CRYBG1: variants seen among roughly 807,000 people sequenced by gnomAD.
The protein encoded by CRYBG1 is crystallin beta-gamma domain containing 1, also known as beta/gamma crystallin domain-containing protein 1.
CRYBG1 carries 139 observed loss-of-function variants against 189.2 expected under a neutral mutation model. That is an observed-to-expected ratio of 0.73 (90% CI 0.64 to 0.85). The LOEUF (loss-of-function observed/expected upper bound fraction) is 0.85. Among genes scored for constraint, CRYBG1 ranks in the 40% least tolerant of loss-of-function variants. CRYBG1 has a pLI of 0.00. For synonymous variants in CRYBG1, 1,023 were observed against 1,017.1 expected, an observed-to-expected ratio of 1.01 and a Z score of -0.11; for missense variants, 2,611 against 2,675.8, an observed-to-expected ratio of 0.98 and a Z score of 0.53.
chr6:106,420,025 A>G (rs546472342), intron 1 of CRYBG1, among the ~76,000 whole-genome samples: 3 of 152,274 alleles, frequency 2.0e-5, no homozygotes, highest in East Asian at 3.9e-4. Context: ...TCAACTTACA[A>G]CAAGGCATGA....
At chr6:106,426,280 A>G (rs1771224556) in intron 1 of CRYBG1, among the ~76,000 whole-genome samples, 2 of 151,944 alleles carry the variant, frequency 1.3e-5, no homozygotes, top group African/African-American at 2.4e-5. Flanking sequence ...CCTCCTTCCC[A>G]AGTCATTATT....
intron 1 of CRYBG1, among the ~76,000 whole-genome samples, chr6:106,428,324 C>T (rs906826629): frequency 1.3e-5 from 2 of 151,728 alleles, no homozygotes; most frequent in Non-Finnish European, 2.9e-5. Context: ...ACTCTTCTCA[C>T]TTTTTTATGT....
At chr6:106,547,591 T>G (rs191921652) in intron 13 of CRYBG1, among the ~76,000 whole-genome samples, 1 of 152,360 alleles carries the variant, frequency 6.6e-6, no homozygotes, top group Admixed American at 6.5e-5. Context: ...AGGAAAATTA[T>G]TGTATTTTAA....
chr6:106,552,118 G>T, intron 14 of CRYBG1, 66 bp from the exon 15 acceptor site: 2 of 1,486,504 alleles, frequency 1.3e-6, no homozygotes, highest in African/African-American at 1.4e-5. Context: ...TAATCTAGAA[G>T]AAAAAAACTT....
chr6:106,433,790 TACACACACATACATATACATACATAA>T (rs1771398091), intron 1 of CRYBG1, among the ~76,000 whole-genome samples: 1 of 139,044 alleles, frequency 7.2e-6, no homozygotes, highest in African/African-American at 2.7e-5. Flanking sequence ...TATATAAACA[TACACACACATACATATACATACATAA>T]ATATATATAT....
intron 7 of CRYBG1, among the ~76,000 whole-genome samples, chr6:106,527,757 G>A (rs1773775304): frequency 6.6e-6 from 1 of 151,876 alleles, no homozygotes; most frequent in African/African-American, 2.4e-5. Context: ...AATGAGTTCT[G>A]CCTCTATGAA....
chr6:106,514,270 T>C (rs999940427), intron 3 of CRYBG1, among the ~76,000 whole-genome samples: 4 of 152,188 alleles, frequency 2.6e-5, no homozygotes, highest in Admixed American at 1.3e-4. Flanking sequence ...TGAATAATGA[T>C]TAAGTGCTTA....
At chr6:106,397,613 A>T (rs1177706984) in intron 1 of CRYBG1, among the ~76,000 whole-genome samples, 1 of 152,186 alleles carries the variant, frequency 6.6e-6, no homozygotes, top group Non-Finnish European at 1.5e-5. Flanking sequence ...TGACCAAGGA[A>T]CACAGAGTTC....
At chr6:106,471,394 T>C (rs72933577) in intron 2 of CRYBG1, among the ~76,000 whole-genome samples, 6,494 of 152,290 alleles carry the variant, frequency 0.043, 226 homozygotes, top group Middle Eastern at 0.092. Flanking sequence ...TGGGTCTTCT[T>C]TGCAAGCATT....
rs575814329 is a variant in CRYBG1, at chr6:106,464,337, C to CA, written c.312+12511dup. Among the ~76,000 whole-genome samples the CA allele has an allele frequency of 1.6e-4, 25 of 151,958 alleles. No homozygotes were observed. The East Asian group carries it at 4.5e-3, about 27-fold the overall frequency. ...ATGAAACCCATCTCTACTAAAAATA[C>CA]AAAAAATTAGCCGGGCATGTTGGTG... is the stretch of plus-strand genomic sequence containing the variant. On this transcript the variant is annotated intron_variant, in intron 2 of 21. Transcript: ENST00000633556.
intron 2 of CRYBG1, among the ~76,000 whole-genome samples, chr6:106,465,384 G>A (rs377292654): frequency 6.6e-6 from 1 of 152,174 alleles, no homozygotes; most frequent in Non-Finnish European, 1.5e-5. Flanking sequence ...ATCAGCTTTT[G>A]TATCTATAAA....
chr6:106,492,756 C>A (rs2114495737), intron 2 of CRYBG1, among the ~76,000 whole-genome samples: 1 of 152,308 alleles, frequency 6.6e-6, no homozygotes, highest in African/African-American at 2.4e-5. Flanking sequence ...ATCCATCCTT[C>A]TTCCTTCCCT....
At chr6:106,433,428 C>T (rs1222460002) in intron 1 of CRYBG1, among the ~76,000 whole-genome samples, 3 of 152,002 alleles carry the variant, frequency 2.0e-5, no homozygotes, top group Admixed American at 6.6e-5. Context: ...AATATGTACT[C>T]GTGGGTTATC....
chr6:106,390,975 C>T (rs1343726364), intron 1 of CRYBG1, among the ~76,000 whole-genome samples: 1 of 152,140 alleles, frequency 6.6e-6, no homozygotes, highest in African/African-American at 2.4e-5. Context: ...CAAACATATG[C>T]TTCATTTAGT....
At chr6:106,424,581 C>T (rs1771191934) in intron 1 of CRYBG1, among the ~76,000 whole-genome samples, 1 of 152,156 alleles carries the variant, frequency 6.6e-6, no homozygotes, top group African/African-American at 2.4e-5. Context: ...CCTGCCTCAG[C>T]CTCCCGAGTA....
intron 1 of CRYBG1, among the ~76,000 whole-genome samples, chr6:106,388,497 G>A (rs1428906864): frequency 6.6e-6 from 1 of 152,030 alleles, no homozygotes; most frequent in Non-Finnish European, 1.5e-5. Flanking sequence ...AGCAACTTAA[G>A]AGCAAAGGCT....
intron 2 of CRYBG1, among the ~76,000 whole-genome samples, chr6:106,459,549 T>G (rs1017543069): frequency 2.9e-5 from 4 of 139,662 alleles, no homozygotes; most frequent in Non-Finnish European, 5.0e-5. Flanking sequence ...TTGTGGGTTT[T>G]TTTTTTTTTT....
At chr6:106,565,067 C>G (rs1001284052) in intron 21 of CRYBG1, among the ~76,000 whole-genome samples, 14 of 152,142 alleles carry the variant, frequency 9.2e-5, no homozygotes, top group African/African-American at 3.1e-4. Flanking sequence ...CGCCTGTAAT[C>G]CCAGCACTTT....
At chr6:106,402,034 A>T (rs1405564297) in intron 1 of CRYBG1, among the ~76,000 whole-genome samples, 1 of 137,990 alleles carries the variant, frequency 7.2e-6, no homozygotes. Flanking sequence ...TCATGAGTGA[A>T]CTCCCATTCA....
Sources: gnomAD v4.1 joint callset for allele counts (sites outside exome capture counted in the v4.1 genomes callset) on GRCh38, gnomAD v4.1.1 for gene constraint, MANE v1.5 for transcripts, NCBI Gene and HGNC (gene_info 2026-07-23, HGNC 2026-07-21) for gene names.